The following LMX1A variants were observed in gnomAD, a reference collection of about 807,000 sequenced individuals.
The protein encoded by LMX1A is LIM homeobox transcription factor 1-alpha.
LMX1A carries 15 observed loss-of-function variants against 49.1 expected under a neutral mutation model. The ratio of observed to expected loss-of-function variants is 0.31; its 90% CI spans 0.20 to 0.47. The LOEUF is 0.47. Ranked by LOEUF, LMX1A falls within the 20% of genes least tolerant of loss-of-function variation. The pLI is 1.00. For synonymous variants in LMX1A, 167 were observed against 185.7 expected, an observed-to-expected ratio of 0.90 and a Z score of 0.82; for missense variants, 372 against 475.8, an observed-to-expected ratio of 0.78 and a Z score of 2.03.
At position 165,345,284 on chromosome 1, in the gene LMX1A, G is replaced by A. The variant is rs188932270; in HGVS notation, c.263+7792C>T. ...TGCTGTGCAACTGAAGGGGTGGGAT[G>A]GAATTAGAGAGGAAGCTGCTCCAAA... On this transcript the variant is annotated intron_variant, in intron 3 of 8. Coordinates refer to ENST00000342310, the MANE Select transcript of LMX1A (RefSeq NM_177398.4). Among the ~76,000 whole-genome samples the A allele has an allele frequency of 1.1e-3, 167 of 152,302 alleles. 1 individual carries two copies. The highest frequency in any genetic ancestry group is 3.8e-3 in the African/African-American group (156 of 41,566).
At chr1:165,299,645 G>A (rs189339724) in intron 3 of LMX1A, among the ~76,000 whole-genome samples, 23 of 151,878 alleles carry the variant, frequency 1.5e-4, no homozygotes, top group African/African-American at 4.8e-4. Context: ...ACTGCAAATC[G>A]ACCATGAAGA....
intron 3 of LMX1A, among the ~76,000 whole-genome samples, chr1:165,293,876 A>G (rs1654546117): frequency 6.6e-6 from 1 of 152,118 alleles, no homozygotes; most frequent in Admixed American, 6.5e-5. Context: ...TCCTAATACC[A>G]TCATGTTGGA....
chr1:165,321,918 T>C (rs1049802226), intron 3 of LMX1A, among the ~76,000 whole-genome samples: 1 of 151,868 alleles, frequency 6.6e-6, no homozygotes, highest in Non-Finnish European at 1.5e-5. Context: ...TGGGAGAAAA[T>C]ATTTGCAAAT....
intron 3 of LMX1A, among the ~76,000 whole-genome samples, chr1:165,278,329 A>G (rs1411053736): frequency 6.6e-6 from 1 of 152,186 alleles, no homozygotes; most frequent in East Asian, 1.9e-4. Context: ...GTACACTGAA[A>G]ATCAAGAGCT....
intron 4 of LMX1A, among the ~76,000 whole-genome samples, chr1:165,242,447 T>C (rs1026952469): frequency 2.8e-5 from 4 of 141,100 alleles, no homozygotes; most frequent in Non-Finnish European, 6.1e-5. Context: ...AGAAAAAATT[T>C]TAAATGATAC....
intron 6 of LMX1A, 49 bp from the exon 7 acceptor site, chr1:165,208,181 G>A: frequency 2.6e-6 from 4 of 1,558,238 alleles, no homozygotes; most frequent in South Asian, 2.2e-5. Flanking sequence ...CCTGCAGCAT[G>A]TTCACAAAGT....
chr1:165,349,136 C>T (rs1051684591), intron 3 of LMX1A, among the ~76,000 whole-genome samples: 1 of 152,214 alleles, frequency 6.6e-6, no homozygotes, highest in African/African-American at 2.4e-5. Context: ...CCCACAGAGC[C>T]AGGCACATGA....
chr1:165,272,564 C>T (rs1200937612), intron 3 of LMX1A, among the ~76,000 whole-genome samples: 4 of 152,154 alleles, frequency 2.6e-5, no homozygotes, highest in African/African-American at 9.7e-5. Context: ...CAACACAGAA[C>T]AATGACCATA....
At chr1:165,284,102 C>A (rs1021450791) in intron 3 of LMX1A, among the ~76,000 whole-genome samples, 1 of 152,202 alleles carries the variant, frequency 6.6e-6, no homozygotes, top group Non-Finnish European at 1.5e-5. Flanking sequence ...CAGGGCTCGG[C>A]CCCTAATTGC....
chr1:165,292,729 A>G (rs1654509187), intron 3 of LMX1A, among the ~76,000 whole-genome samples: 1 of 131,830 alleles, frequency 7.6e-6, no homozygotes, highest in Non-Finnish European at 1.6e-5. Context: ...AGGGAATTGG[A>G]GCAGATAAAC....
rs1654799754 is a variant in LMX1A, at chr1:165,302,163, T to A, written c.263+50913A>T. 3.4e-5 allele frequency among the ~76,000 whole-genome samples: 5 copies of A among 145,246 alleles called. No individual in the cohort carries two copies. The South Asian group carries it at 1.1e-3, about 32-fold the overall frequency. On this transcript the variant is annotated intron_variant, in intron 3 of 8. Transcript: ENST00000342310. ...AGTGAAAGAAGAGAATGAGGCTGGG[T>A]GTGGTGGCTCACACCTGTAATCTCA...
intron 3 of LMX1A, among the ~76,000 whole-genome samples, chr1:165,316,056 G>A (rs1274219175): frequency 6.6e-6 from 1 of 152,168 alleles, no homozygotes; most frequent in Non-Finnish European, 1.5e-5. Context: ...TCAGGTGATG[G>A]GTGCATAGAC....
chr1:165,302,910 C>A (rs1654818909), intron 3 of LMX1A, among the ~76,000 whole-genome samples: 1 of 152,222 alleles, frequency 6.6e-6, no homozygotes, highest in South Asian at 2.1e-4. Context: ...AACTAGGTTT[C>A]ATGTGCTTAA....
At chr1:165,276,133 G>C (rs903474817) in intron 3 of LMX1A, among the ~76,000 whole-genome samples, 2 of 152,106 alleles carry the variant, frequency 1.3e-5, no homozygotes, top group South Asian at 4.2e-4. Context: ...CATCATCCCT[G>C]GCTACAATCC....
At chr1:165,322,092 T>C (rs1033422706) in intron 3 of LMX1A, among the ~76,000 whole-genome samples, 2 of 152,150 alleles carry the variant, frequency 1.3e-5, no homozygotes, top group Non-Finnish European at 2.9e-5. Flanking sequence ...ACATCATTAG[T>C]CTTTAGGGAA....
chr1:165,355,007 C>T lies in LMX1A; in HGVS notation c.76+477G>A, dbSNP rs932517306. On this transcript the variant is annotated intron_variant, in intron 2 of 8. Transcript: ENST00000342310. The surrounding 1 kb of genome is among the most constrained non-coding windows in gnomAD (Gnocchi z 4.7). ...TCTAATCCCCGCGCTGCGTTGCCTA[C>T]TGGCCCAGAAAAGTCTCTCTCGGCC... 2.0e-5 allele frequency among the ~76,000 whole-genome samples: 3 copies of T among 152,166 alleles called. No homozygotes were observed. Among genetic ancestry groups the T allele is most frequent in the African/African-American group, 7.2e-5 (3 of 41,452 alleles).
At chr1:165,269,143 AG>A (rs556000941) in intron 3 of LMX1A, among the ~76,000 whole-genome samples, 114 of 152,328 alleles carry the variant, frequency 7.5e-4, no homozygotes, top group African/African-American at 2.5e-3. Flanking sequence ...GGGACAAAAG[AG>A]GGTGAGATAA....
rs1653297194 is a variant in LMX1A at position 165,257,657 on chromosome 1, T to C, written c.264-8017A>G. Among the ~76,000 whole-genome samples the C allele has an allele frequency of 2.0e-5, 3 of 152,162 alleles. No homozygotes were observed. The South Asian group carries it at 6.2e-4, about 32-fold the overall frequency. ...CTGGAACCCCATTCCCTTGGGAGCC[T>C]GGCAAGTCAGGTCATTCTTTTCAAG... On this transcript the variant is annotated intron_variant, in intron 3 of 8. Coordinates refer to ENST00000342310, the MANE Select transcript of LMX1A (RefSeq NM_177398.4).
At chr1:165,211,952 G>A (rs1420104323) in intron 5 of LMX1A, among the ~76,000 whole-genome samples, 1 of 152,152 alleles carries the variant, frequency 6.6e-6, no homozygotes, top group African/African-American at 2.4e-5. Flanking sequence ...CCGGGGACAA[G>A]CACCCAGCAC....
Sources: gnomAD v4.1 joint callset for allele counts (sites outside exome capture counted in the v4.1 genomes callset) on GRCh38, gnomAD v4.1.1 for gene constraint, Gnocchi (gnomAD v3.1) non-coding constraint, MANE v1.5 for transcripts, NCBI Gene and HGNC (gene_info 2026-07-23, HGNC 2026-07-21) for gene names.